Variants in SHISA9 observed in about 807,000 individuals in gnomAD.
The protein encoded by SHISA9 is shisa family member 9, also known as protein shisa-9.
A neutral mutation model predicts 38.0 loss-of-function variants in SHISA9; 13 were observed. The observed-to-expected ratio is 0.34, with a 90% CI of 0.22 to 0.54. The LOEUF (loss-of-function observed/expected upper bound fraction) is 0.54. SHISA9 is among the 20% of genes least tolerant of loss of function. SHISA9 has a pLI of 0.91. For missense variants in SHISA9, 538 were observed against 575.8 expected (o/e 0.93, Z 0.67); for synonymous variants, 275 against 242.0 (o/e 1.14, Z -1.27).
intron 2 of SHISA9, among the ~76,000 whole-genome samples, chr16:12,922,751 C>G (rs573034882): frequency 1.3e-5 from 2 of 152,228 alleles, no homozygotes; most frequent in African/African-American, 4.8e-5. Flanking sequence ...AACTCCTGAC[C>G]TCAGGTGATC....
intron 2 of SHISA9, among the ~76,000 whole-genome samples, chr16:13,199,857 G>C (rs909998820): frequency 2.6e-5 from 4 of 152,114 alleles, no homozygotes; most frequent in Non-Finnish European, 5.9e-5. Context: ...ATAGCACAAT[G>C]AGCCCTCGCT....
chr16:13,132,586 A>G (rs186953880), intron 2 of SHISA9, among the ~76,000 whole-genome samples: 18 of 152,266 alleles, frequency 1.2e-4, no homozygotes, highest in African/African-American at 4.1e-4. Context: ...ATGTCCTGAC[A>G]TTGCCAGATG....
chr16:12,983,731 A>C (rs1410289001), intron 2 of SHISA9, among the ~76,000 whole-genome samples: 1 of 152,118 alleles, frequency 6.6e-6, no homozygotes, highest in Non-Finnish European at 1.5e-5. Context: ...CTTGTGATCC[A>C]CCTGCCTCAG....
intron 1 of SHISA9, among the ~76,000 whole-genome samples, chr16:12,915,406 C>T (rs2071240615): frequency 6.6e-6 from 1 of 152,188 alleles, no homozygotes; most frequent in Admixed American, 6.5e-5. Flanking sequence ...GATCACACCA[C>T]TGCACTCCAG....
At chr16:13,062,185 C>T (rs1284298033) in intron 2 of SHISA9, among the ~76,000 whole-genome samples, 3 of 140,606 alleles carry the variant, frequency 2.1e-5, no homozygotes, top group African/African-American at 8.6e-5. Flanking sequence ...AGGGGACTTA[C>T]GCTAAAAAAA....
At chr16:13,328,503 C>T in the SHISA9 span, among the ~76,000 whole-genome samples, 2 of 151,320 alleles carry the variant, frequency 1.3e-5, no homozygotes, top group African/African-American at 4.9e-5. Context: ...ACCTCTGCCT[C>T]CCAGGTTCAA....
intron 2 of SHISA9, among the ~76,000 whole-genome samples, chr16:13,107,160 T>C (rs535222730): frequency 1.3e-5 from 2 of 152,022 alleles, no homozygotes; most frequent in Admixed American, 6.6e-5. Context: ...GGGCTGGCTG[T>C]GGTGGCTCAT....
the SHISA9 span, among the ~76,000 whole-genome samples, chr16:13,276,833 TAGATTGTGA>T: frequency 2.0e-5 from 3 of 152,106 alleles, no homozygotes; most frequent in South Asian, 6.2e-4. Flanking sequence ...TTCAGATGTA[TAGATTGTGA>T]AGATTTTCTC....
At chr16:13,170,429 G>A (rs1212849865) in intron 2 of SHISA9, among the ~76,000 whole-genome samples, 1 of 152,010 alleles carries the variant, frequency 6.6e-6, no homozygotes, top group Non-Finnish European at 1.5e-5. Context: ...TTTATAAAGA[G>A]AATTGATTTG....
the SHISA9 span, among the ~76,000 whole-genome samples, chr16:13,517,863 G>A: frequency 6.6e-6 from 1 of 152,230 alleles, no homozygotes. Context: ...AGGTTAGTGA[G>A]TGTGAACAGG....
chr16:13,160,394 T>C (rs1217645930), intron 2 of SHISA9, among the ~76,000 whole-genome samples: 1 of 152,232 alleles, frequency 6.6e-6, no homozygotes, highest in African/African-American at 2.4e-5. Flanking sequence ...TAGTATATTC[T>C]ATTCACCCAA....
chr16:13,283,574 G>A, the SHISA9 span, among the ~76,000 whole-genome samples: 4 of 152,118 alleles, frequency 2.6e-5, no homozygotes, highest in East Asian at 5.8e-4. Context: ...ATCAGATCTC[G>A]TGAGACTTAT....
chr16:13,483,578 A>T, the SHISA9 span, among the ~76,000 whole-genome samples: 2 of 151,888 alleles, frequency 1.3e-5, no homozygotes, highest in Non-Finnish European at 2.9e-5. Flanking sequence ...CAGGTGTGCC[A>T]GGCCTCAGGA....
chr16:13,346,451 C>T, the SHISA9 span, among the ~76,000 whole-genome samples: 1 of 152,108 alleles, frequency 6.6e-6, no homozygotes, highest in Non-Finnish European at 1.5e-5. Context: ...CCGAAAACAG[C>T]CTTCTATTAA....
At chr16:13,220,997 A>T (rs1596744024) in intron 4 of SHISA9, among the ~76,000 whole-genome samples, 1 of 150,230 alleles carries the variant, frequency 6.7e-6, no homozygotes, top group African/African-American at 2.5e-5. Flanking sequence ...CTCCCTCCTC[A>T]CTCTGGATTA....
chr16:13,425,619 AT>A, the SHISA9 span, among the ~76,000 whole-genome samples: 2 of 152,242 alleles, frequency 1.3e-5, no homozygotes, highest in African/African-American at 4.8e-5. Context: ...AAGCCTCAGC[AT>A]TATGCAATAC....
At chr16:13,370,167 C>G in the SHISA9 span, among the ~76,000 whole-genome samples, 1 of 152,164 alleles carries the variant, frequency 6.6e-6, no homozygotes, top group Non-Finnish European at 1.5e-5. Context: ...GTGCCACGAC[C>G]ATGGGTTTTG....
intron 2 of SHISA9, among the ~76,000 whole-genome samples, chr16:12,918,319 TTC>T: frequency 6.6e-6 from 1 of 152,306 alleles, no homozygotes; most frequent in African/African-American, 2.4e-5. Flanking sequence ...AGTCGTGTGC[TTC>T]AGTCCCAGAC....
At chr16:13,541,078 G>C in the SHISA9 span, among the ~76,000 whole-genome samples, 1 of 152,304 alleles carries the variant, frequency 6.6e-6, no homozygotes, top group East Asian at 1.9e-4. Context: ...GTGGCGACAA[G>C]CTGTGTGTTA....
Sources: allele counts gnomAD v4.1 joint callset (sites outside exome capture counted in the v4.1 genomes callset), GRCh38; gene constraint gnomAD v4.1.1; transcripts MANE v1.5; gene names NCBI Gene and HGNC (gene_info 2026-07-23, HGNC 2026-07-21).